The following PARM1 variants were observed in gnomAD, a reference collection of about 807,000 sequenced individuals.
PARM1 encodes the protein WSC4, cell wall integrity and stress response component 4 homolog.
Under a neutral mutation model 24.6 loss-of-function variants are expected in PARM1, and 14 were observed. That is an observed-to-expected ratio of 0.57 (90% CI 0.38 to 0.89). The LOEUF is 0.89. PARM1 is among the 40% of genes least tolerant of loss of function. The pLI, the probability that PARM1 is intolerant of heterozygous loss-of-function variation, is 0.00. For missense variants in PARM1, 362 were observed against 380.4 expected, an observed-to-expected ratio of 0.95 and a Z score of 0.40; for synonymous variants, 179 against 156.6, an observed-to-expected ratio of 1.14 and a Z score of -1.07.
At chr4:75,026,396 C>G (rs969030739) in intron 2 of PARM1, among the ~76,000 whole-genome samples, 1 of 152,122 alleles carries the variant, frequency 6.6e-6, no homozygotes, top group Admixed American at 6.5e-5. Context: ...TATGCATAAC[C>G]ACCCACAGCT....
intron 2 of PARM1, among the ~76,000 whole-genome samples, chr4:75,028,120 C>T (rs755271415): frequency 2.0e-5 from 3 of 152,202 alleles, no homozygotes; most frequent in Non-Finnish European, 2.9e-5. Flanking sequence ...ATAAGTGAAG[C>T]TCATAGAACA....
chr4:74,948,177 C>G (rs1030350273), intron 1 of PARM1, among the ~76,000 whole-genome samples: 2 of 152,202 alleles, frequency 1.3e-5, no homozygotes, highest in Non-Finnish European at 2.9e-5. Context: ...GAACAGAGGT[C>G]ATGTCTTAGC....
At chr4:74,946,543 G>A (rs1560771998) in intron 1 of PARM1, among the ~76,000 whole-genome samples, 1 of 152,182 alleles carries the variant, frequency 6.6e-6, no homozygotes, top group Non-Finnish European at 1.5e-5. Flanking sequence ...CTGCTAAAAA[G>A]AATGAAGGCT....
intron 2 of PARM1, among the ~76,000 whole-genome samples, chr4:75,015,023 T>C (rs764288130): frequency 3.1e-4 from 47 of 152,184 alleles, no homozygotes; most frequent in Non-Finnish European, 6.3e-4. Flanking sequence ...TTCTTTCCTA[T>C]TTCAGGCCCT....
intron 1 of PARM1, among the ~76,000 whole-genome samples, chr4:74,981,135 T>C (rs1292554094): frequency 6.6e-6 from 1 of 152,102 alleles, no homozygotes; most frequent in Admixed American, 6.5e-5. Flanking sequence ...ACTAAAGAGC[T>C]TCTGCACAGC....
intron 1 of PARM1, among the ~76,000 whole-genome samples, chr4:74,955,064 A>G (rs1435791407): frequency 2.0e-5 from 3 of 152,224 alleles, no homozygotes; most frequent in Admixed American, 1.3e-4. Flanking sequence ...TTCTTGCCAT[A>G]TGACATCATT....
intron 1 of PARM1, among the ~76,000 whole-genome samples, chr4:74,938,482 T>A (rs1292381189): frequency 1.3e-5 from 2 of 152,118 alleles, no homozygotes; most frequent in Non-Finnish European, 2.9e-5. Flanking sequence ...CTTGGAAAAA[T>A]TGATGTTTTA....
intron 1 of PARM1, chr4:74,967,044 T>C (rs1560778196): frequency 1.3e-5 from 2 of 152,198 alleles, no homozygotes; most frequent in Non-Finnish European, 2.9e-5. Flanking sequence ...CTTATCCAGG[T>C]GTAAGAACTG....
intron 1 of PARM1, among the ~76,000 whole-genome samples, chr4:74,945,930 G>A (rs1456259926): frequency 1.3e-5 from 2 of 152,192 alleles, no homozygotes; most frequent in East Asian, 3.8e-4. Context: ...AGGTGTGACT[G>A]GGGAGAGGGC....
chr4:74,946,837 T>G (rs879510070), intron 1 of PARM1, among the ~76,000 whole-genome samples: 3 of 152,222 alleles, frequency 2.0e-5, no homozygotes, highest in African/African-American at 7.2e-5. Flanking sequence ...TCGTTGACCT[T>G]CATTGGAGAA....
intron 1 of PARM1, among the ~76,000 whole-genome samples, chr4:74,978,169 T>C (rs1381490798): frequency 2.6e-5 from 4 of 152,142 alleles, no homozygotes; most frequent in Admixed American, 6.5e-5. Context: ...AGACACAGAA[T>C]GGCAAGCTGG....
chr4:75,004,263 G>A (rs1173271244), intron 1 of PARM1, among the ~76,000 whole-genome samples: 4 of 152,174 alleles, frequency 2.6e-5, no homozygotes, highest in Non-Finnish European at 2.9e-5. Flanking sequence ...TCTGTGCCAG[G>A]CACTAAGACA....
At chr4:74,981,875 T>G (rs1257726284) in intron 1 of PARM1, among the ~76,000 whole-genome samples, 1 of 111,500 alleles carries the variant, frequency 9.0e-6, no homozygotes, top group Non-Finnish European at 1.7e-5. Flanking sequence ...TGAGACTCAA[T>G]CTCCAAAAAA....
chr4:74,948,482 A>G (rs922240222), intron 1 of PARM1, among the ~76,000 whole-genome samples: 5 of 152,192 alleles, frequency 3.3e-5, no homozygotes, highest in African/African-American at 1.2e-4. Flanking sequence ...ATTATCCATT[A>G]CCATGTACTG....
intron 3 of PARM1, among the ~76,000 whole-genome samples, chr4:75,034,620 G>A (rs1052232269): frequency 3.9e-5 from 6 of 152,080 alleles, no homozygotes; most frequent in African/African-American, 7.2e-5. Flanking sequence ...CTATTGCTCC[G>A]TGAAATCAAG....
At chr4:74,938,864 A>G (rs1721245802) in intron 1 of PARM1, among the ~76,000 whole-genome samples, 1 of 152,184 alleles carries the variant, frequency 6.6e-6, no homozygotes, top group African/African-American at 2.4e-5. Context: ...GAAATAGACA[A>G]TTATAGAATT....
intron 1 of PARM1, among the ~76,000 whole-genome samples, chr4:74,961,796 C>A (rs555484778): frequency 6.6e-6 from 1 of 152,076 alleles, no homozygotes; most frequent in South Asian, 2.1e-4. Context: ...TACCACTAGA[C>A]CTGCCCTAAA....
At chr4:74,933,470 C>T (rs1721110951) in intron 1 of PARM1, 100 bp downstream of exon 1, 2 of 1,008,250 alleles carry the variant, frequency 2.0e-6, no homozygotes, top group South Asian at 1.3e-5. Flanking sequence ...AGTGAGTCGC[C>T]GCGCGCCTCC....
chr4:75,041,537 T>A (rs1036599942), intron 3 of PARM1, among the ~76,000 whole-genome samples: 1 of 152,212 alleles, frequency 6.6e-6, no homozygotes, highest in Non-Finnish European at 1.5e-5. Context: ...GGCTGACCCT[T>A]GTAAAGGACA....
Sources: gnomAD v4.1 joint callset for allele counts (sites outside exome capture counted in the v4.1 genomes callset) on GRCh38, gnomAD v4.1.1 for gene constraint, MANE v1.5 for transcripts, NCBI Gene and HGNC (gene_info 2026-07-23, HGNC 2026-07-21) for gene names.